Variants in ZNF268 observed in about 807,000 individuals in gnomAD.
ZNF268 encodes zinc finger protein 3.
ZNF268 carries 20 observed loss-of-function variants against 29.3 expected under a neutral mutation model. That is an observed-to-expected ratio of 0.68 (90% CI 0.48 to 0.99). The LOEUF (loss-of-function observed/expected upper bound fraction) is 0.99. Among genes scored for constraint, ZNF268 ranks in the 50% least tolerant of loss-of-function variants. The pLI is 0.00. For missense variants in ZNF268, 1,240 were observed against 1,121.6 expected (o/e 1.11, Z -1.51); for synonymous variants, 429 against 376.9 (o/e 1.14, Z -1.60).
In ZNF268 at chr12:133,210,655, G is replaced by A. The variant is rs897365280; in HGVS notation, c.*6125G>A. 7 of 353,950 alleles carry A rather than the reference G, an allele frequency of 2.0e-5. No individual in the cohort carries two copies. Among genetic ancestry groups the A allele is most frequent in the Non-Finnish European group, 3.4e-5 (6 of 177,430 alleles). The allele number at this position is 353,950 out of a possible 1,614,324, so 21.9% of individuals were successfully genotyped here. A position where few individuals can be genotyped will look rare whatever the true frequency, so the allele number is the denominator to read the frequency against. On this transcript the variant is annotated 3_prime_UTR_variant, in exon 6 of 6. Transcript: ENST00000536435. ...CTGTGAAGTGCCCTCGGGGGTCTCC[G>A]GGTCCTGAGTAGAAGCAAGGTCTGT...
chr12:133,186,384 C>CTTT (rs778263126), intron 2 of ZNF268, among the ~76,000 whole-genome samples: 1 of 141,318 alleles, frequency 7.1e-6, no homozygotes, highest in Admixed American at 7.1e-5. Context: ...AGGGAATAAT[C>CTTT]TTTTTTTTTT....
intron 2 of ZNF268, among the ~76,000 whole-genome samples, chr12:133,184,411 T>C (rs763500712): frequency 2.6e-5 from 4 of 152,034 alleles, no homozygotes; most frequent in Non-Finnish European, 5.9e-5. Context: ...GGCTCTGCTC[T>C]CTGCTTTCAA....
intron 3 of ZNF268, 135 bp from the exon 4 acceptor site, chr12:133,191,354 A>C: frequency 1.1e-6 from 1 of 925,804 alleles, no homozygotes; most frequent in East Asian, 2.6e-5. Flanking sequence ...GACTGATTTA[A>C]TGCACATTGA....
intron 5 of ZNF268, among the ~76,000 whole-genome samples, chr12:133,200,033 TCTC>T (rs1360126486): frequency 1.3e-5 from 2 of 152,204 alleles, no homozygotes. Context: ...TTCCTTCAGT[TCTC>T]CTCTGATTTT....
In ZNF268 at chr12:133,208,841, A is replaced by G. The variant is rs1011795237; in HGVS notation, c.*4311A>G. Reference sequence around the variant, plus strand: ...CCACAAACAAATGTTTGGAACTGCCAGTAGAGTAGCAAGTATGCAGTTGTC... The same window carrying G: ...CCACAAACAAATGTTTGGAACTGCCGGTAGAGTAGCAAGTATGCAGTTGTC... On this transcript the variant is annotated 3_prime_UTR_variant, in exon 6 of 6. Coordinates refer to ENST00000536435, the MANE Select transcript of ZNF268 (RefSeq NM_003415.3). 1.3e-5 allele frequency: 2 copies of G among 151,070 alleles called. No individual in the cohort carries two copies. The highest frequency in any genetic ancestry group is 2.9e-5 in the Non-Finnish European group (2 of 67,916). 9.4% of individuals were successfully genotyped at this position (151,070 alleles called of 1,614,324 possible). A position where few individuals can be genotyped will look rare whatever the true frequency, so the allele number is the denominator to read the frequency against.
chr12:133,203,398 T>G lies in ZNF268; in HGVS notation c.1712T>G (p.Leu571Arg). The G allele has an allele frequency of 6.5e-7, 1 of 1,546,402 alleles. No homozygotes were observed. Among genetic ancestry groups the G allele is most frequent in the Non-Finnish European group, 8.7e-7 (1 of 1,150,414 alleles). Residue 571 changes from leucine (L) to arginine (R), a missense_variant, in exon 6 of 6, where the codon CTT becomes CGT. By Grantham distance (102) the Leu-to-Arg change is moderately radical. This residue lies in a region of ZNF268 where 1,177 missense variants were observed against 1,039.6 expected (regional missense o/e 1.13). Coordinates refer to ENST00000536435, the MANE Select transcript of ZNF268 (RefSeq NM_003415.3). ...AAAGCCTTCAGTCGGAAATACCAGC[T>G]TATTTCACACCAGAGAACTCATGCA... Reference protein sequence around the residue: ...CGKAFSRKYQLISHQRTHAGE... With the variant: ...CGKAFSRKYQRISHQRTHAGE...
In ZNF268 at chr12:133,205,347, G is replaced by T. The variant is rs1406088838; in HGVS notation, c.*817G>T. 1 of 151,810 alleles carries T rather than the reference G, an allele frequency of 6.6e-6. No individual in the cohort carries two copies. The highest frequency in any genetic ancestry group is 6.6e-5 in the Admixed American group (1 of 15,228). 9.4% of individuals were successfully genotyped at this position (151,810 alleles called of 1,614,324 possible). ...TTGTACAAGTGAATCTAGTAAGGAG[G>T]TTAAGAATAAGAAATAACATCCCAG... On this transcript the variant is annotated 3_prime_UTR_variant, in exon 6 of 6. Coordinates refer to ENST00000536435, the MANE Select transcript of ZNF268 (RefSeq NM_003415.3).
rs1202650073 is a variant in ZNF268 at position 133,210,746 on chromosome 12, C to T, written c.*6216C>T. 1 of 443,252 alleles carries T rather than the reference C, an allele frequency of 2.3e-6. No homozygotes were observed. The highest frequency in any genetic ancestry group is 4.6e-6 in the Non-Finnish European group (1 of 217,866). The allele number at this position is 443,252 out of a possible 1,614,324, so 27.5% of individuals were successfully genotyped here. ...AGTCCTGAGGAGAAGGCAGCTCAGT[C>T]TTTACTGTGATGCAGCCTCTAGTGA... is the stretch of plus-strand genomic sequence containing the variant. On this transcript the variant is annotated 3_prime_UTR_variant, in exon 6 of 6. Transcript: ENST00000536435.
At chr12:133,189,002 A>G (rs115898206) in intron 3 of ZNF268, among the ~76,000 whole-genome samples, 208 of 152,008 alleles carry the variant, frequency 1.4e-3, no homozygotes, top group African/African-American at 4.8e-3. Flanking sequence ...TTATTACTTT[A>G]TTACTTTACC....
intron 5 of ZNF268, among the ~76,000 whole-genome samples, chr12:133,197,101 T>C (rs1385391727): frequency 6.6e-6 from 1 of 151,532 alleles, no homozygotes; most frequent in Non-Finnish European, 1.5e-5. Flanking sequence ...GTTAGTTACA[T>C]ATGTGTACAT....
chr12:133,205,175 C>CAAAAAA lies in ZNF268; in HGVS notation c.*647_*648insAAAAAA, dbSNP rs1343948566. 3.7e-4 allele frequency: 8 copies of CAAAAAA among 21,788 alleles called. No individual in the cohort carries two copies. The highest frequency in any genetic ancestry group is 2.0e-3 in the South Asian group (1 of 488). The allele number at this position is 21,788 out of a possible 1,614,324, so 1.3% of individuals were successfully genotyped here. On this transcript the variant is annotated 3_prime_UTR_variant, in exon 6 of 6. Coordinates refer to ENST00000536435, the MANE Select transcript of ZNF268 (RefSeq NM_003415.3). ...AAAAAAAAAAAAAAAAAAAAAAAAC[C>CAAAAAA]AACCTGTTATTATATCTTAATATTA...
Position 133,203,193 on chromosome 12 carries a change from A to T in ZNF268, c.1507A>T (p.Asn503Tyr), listed in dbSNP as rs772627371. 1.2e-5 allele frequency: 18 copies of T among 1,537,928 alleles called. No individual in the cohort carries two copies. The highest frequency in any genetic ancestry group is 2.0e-5 in the Admixed American group (1 of 50,980). The part of the protein sequence containing the change: ...SHTGMKPYVC[N>Y]ECGKAFRSKS... ...CACAGGAATGAAACCTTATGTATGC[A>T]ATGAATGTGGCAAAGCCTTCAGGAG... Residue 503 changes from asparagine to tyrosine, a missense_variant, in exon 6 of 6, where the codon AAT becomes TAT. Physicochemically the swap from Asn to Tyr is moderately radical, Grantham distance 143 (BLOSUM62 -2). This residue lies in a region of ZNF268 where 1,177 missense variants were observed against 1,039.6 expected (regional missense o/e 1.13). Coordinates refer to ENST00000536435, the MANE Select transcript of ZNF268 (RefSeq NM_003415.3).
rs116640005 is a variant in ZNF268, at chr12:133,201,076, C to G, written c.458-1068C>G. Among the ~76,000 whole-genome samples, 175 of 152,028 alleles carry G rather than the reference C, an allele frequency of 1.2e-3. 1 individual carries two copies. Among genetic ancestry groups the G allele is most frequent in the African/African-American group, 4.1e-3 (170 of 41,498 alleles). On this transcript the variant is annotated intron_variant, in intron 5 of 5. Transcript: ENST00000536435. ...TTTATAGGGAAATCATGCAAGTATA[C>G]AGTGATTTATTTTTGTTTCTAAATT...
At position 133,202,269 on chromosome 12, in the gene ZNF268, C is replaced by T; in HGVS notation, c.583C>T (p.Leu195Phe). Reference protein sequence around the residue: ...GKLCLLSTKYLSRQKPHKCGT... With the variant: ...GKLCLLSTKYFSRQKPHKCGT... Reference sequence around the variant, plus strand: ...ACTATGTCTTCTTAGTACAAAGTATCTTTCAAGACAAAAACCTCATAAATG... The same window carrying T: ...ACTATGTCTTCTTAGTACAAAGTATTTTTCAAGACAAAAACCTCATAAATG... The change falls in exon 6 of 6, where the codon CTT becomes TTT. Residue 195 changes from leucine to phenylalanine, a missense_variant. Transcript: ENST00000536435. 2 of 1,612,554 alleles carry T rather than the reference C, an allele frequency of 1.2e-6. No homozygotes were observed. The highest frequency in any genetic ancestry group is 1.1e-5 in the South Asian group (1 of 90,946).
rs1176010421 is a variant in ZNF268, at chr12:133,203,376, G to A, written c.1690G>A (p.Ala564Thr). 2 of 1,548,336 alleles carry A rather than the reference G, an allele frequency of 1.3e-6. No individual in the cohort carries two copies. Among genetic ancestry groups the A allele is most frequent in the East Asian group, 2.4e-5 (1 of 41,350 alleles). Residue 564 changes from alanine to threonine, a missense_variant, in exon 6 of 6, where the codon GCC becomes ACC. Physicochemically the swap from Ala to Thr is moderately conservative, Grantham distance 58 (BLOSUM62 0). Around this residue, in one of 3 missense-constraint regions of ZNF268, gnomAD observed 1,177 missense variants for 1,039.6 expected, o/e 1.13. Transcript: ENST00000536435. Reference sequence around the variant, plus strand: ...CTATGAATGCCATGAATGTGGGAAAGCCTTCAGTCGGAAATACCAGCTTAT... The same window carrying A: ...CTATGAATGCCATGAATGTGGGAAAACCTTCAGTCGGAAATACCAGCTTAT... Reference protein sequence around the residue: ...NPYECHECGKAFSRKYQLISH... With the variant: ...NPYECHECGKTFSRKYQLISH...
Position 133,211,137 on chromosome 12 carries a change from T to C in ZNF268, c.*6607T>C, listed in dbSNP as rs1956973081. The C allele has an allele frequency of 5.2e-6, 2 of 387,960 alleles. No individual in the cohort carries two copies. Among genetic ancestry groups the C allele is most frequent in the South Asian group, 3.7e-5 (2 of 54,210 alleles). The allele number at this position is 387,960 out of a possible 1,614,324, so 24.0% of individuals were successfully genotyped here. A position where few individuals can be genotyped will look rare whatever the true frequency, so the allele number is the denominator to read the frequency against. On this transcript the variant is annotated 3_prime_UTR_variant, in exon 6 of 6. Transcript: ENST00000536435. ...TTTCCTATATATTTGAAATAATGTA[T>C]AGCAATAATTGGAATTTGTAATGAA...
Position 133,203,275 on chromosome 12 carries a change from G to A in ZNF268, c.1589G>A (p.Cys530Tyr), listed in dbSNP as rs138682414. The A allele has an allele frequency of 6.0e-5, 93 of 1,539,006 alleles. No individual in the cohort carries two copies. The African/African-American group carries it at 1.2e-3, about 20-fold the overall frequency. The change falls in exon 6 of 6, where the codon TGC (cysteine) becomes TAC (tyrosine). Residue 530 changes from cysteine to tyrosine, a missense_variant. Physicochemically the swap from Cys to Tyr is radical, Grantham distance 194 (BLOSUM62 -2). Coordinates refer to ENST00000536435, the MANE Select transcript of ZNF268 (RefSeq NM_003415.3). ...CATACAGGAGAAAAACTCCATGAAT[G>A]CAACAATTGTGGGAAAGCCTTCAGT... ...RTHTGEKLHECNNCGKAFSFK... is the reference protein window; with the variant it reads ...RTHTGEKLHEYNNCGKAFSFK...
rs1312877241 is a variant in ZNF268, at chr12:133,212,275, G to A, written c.*7745G>A. On this transcript the variant is annotated 3_prime_UTR_variant, in exon 6 of 6. Coordinates refer to ENST00000536435, the MANE Select transcript of ZNF268 (RefSeq NM_003415.3). ...AGGCACAAATGGGCCTTTGGAGAGTGTACTCCCTCTGCTTGGTGAAATTAT... is the reference window on the plus strand; with the variant it reads ...AGGCACAAATGGGCCTTTGGAGAGTATACTCCCTCTGCTTGGTGAAATTAT... 2 of 151,700 alleles carry A rather than the reference G, an allele frequency of 1.3e-5. No individual in the cohort carries two copies. Among genetic ancestry groups the A allele is most frequent in the Non-Finnish European group, 2.9e-5 (2 of 67,950 alleles). 9.4% of individuals were successfully genotyped at this position (151,700 alleles called of 1,614,324 possible). A position where few individuals can be genotyped will look rare whatever the true frequency, so the allele number is the denominator to read the frequency against.
In ZNF268 at chr12:133,203,903, C is replaced by T; in HGVS notation, c.2217C>T (p.Leu739=). The T allele has an allele frequency of 6.3e-7, 1 of 1,582,602 alleles. No individual in the cohort carries two copies. Residue 739 remains leucine (L), a synonymous_variant, in exon 6 of 6, where the codon CTC becomes CTT. Transcript: ENST00000536435. ...AATCCTTTAGTTTCAATTCACAACT[C>T]ATTGTGCATCAGAGAATTCACACAG... ...CGKSFSFNSQ[L]IVHQRIHTGE...
Sources: allele counts gnomAD v4.1 joint callset (sites outside exome capture counted in the v4.1 genomes callset), GRCh38; gene constraint gnomAD v4.1.1; regional missense constraint gnomAD v4.1.1; transcripts MANE v1.5; gene names NCBI Gene and HGNC (gene_info 2026-07-23, HGNC 2026-07-21).